MAD1L1: variants seen among roughly 807,000 people sequenced by gnomAD.
MAD1L1 encodes the protein mitotic arrest deficient 1 like 1, also known as mitotic spindle assembly checkpoint protein MAD1.
Under a neutral mutation model 96.9 loss-of-function variants are expected in MAD1L1, and 95 were observed. The ratio of observed to expected loss-of-function variants is 0.98; its 90% CI spans 0.83 to 1.16. The LOEUF (loss-of-function observed/expected upper bound fraction) is 1.16. Ranked by LOEUF, MAD1L1 falls within the 50% of genes most tolerant of loss-of-function variation. The pLI, the probability that MAD1L1 is intolerant of heterozygous loss-of-function variation, is 0.00. For synonymous variants in MAD1L1, 473 were observed against 396.6 expected (o/e 1.19, Z -2.29); for missense variants, 1,007 against 954.4 (o/e 1.06, Z -0.73).
intron 18 of MAD1L1, among the ~76,000 whole-genome samples, chr7:1,838,378 C>T (rs893856175): frequency 1.3e-5 from 2 of 152,340 alleles, no homozygotes; most frequent in African/African-American, 2.4e-5. Flanking sequence ...AGCTTGTACA[C>T]GAATGTTCAC....
chr7:2,169,246 C>T (rs1383228442), intron 10 of MAD1L1, among the ~76,000 whole-genome samples: 1 of 152,106 alleles, frequency 6.6e-6, no homozygotes, highest in Non-Finnish European at 1.5e-5. Flanking sequence ...TGAAAATCTA[C>T]AAAGGTAAAC....
intron 11 of MAD1L1, among the ~76,000 whole-genome samples, chr7:2,111,226 C>T (rs1764650686): frequency 6.6e-6 from 1 of 152,218 alleles, no homozygotes; most frequent in Non-Finnish European, 1.5e-5. Flanking sequence ...GTGTGATCGT[C>T]CCACAGATGA....
At chr7:2,131,161 C>T (rs1788493397) in intron 11 of MAD1L1, among the ~76,000 whole-genome samples, 1 of 152,224 alleles carries the variant, frequency 6.6e-6, no homozygotes, top group Non-Finnish European at 1.5e-5. Context: ...AGCAGCGTGT[C>T]AGCCTTCTTC....
At chr7:2,079,802 T>A (rs1785548517) in intron 11 of MAD1L1, 2 of 468,906 alleles carry the variant, frequency 4.3e-6, no homozygotes, top group African/African-American at 4.0e-5. Flanking sequence ...CTGCTGGAGA[T>A]TAGGAAATGA....
chr7:2,219,279 G>C, intron 6 of MAD1L1, 53 bp downstream of exon 6: 2 of 1,481,722 alleles, frequency 1.3e-6, no homozygotes, highest in Non-Finnish European at 1.8e-6. Flanking sequence ...GAGGTGGGAC[G>C]CATGCCCCCA....
intron 11 of MAD1L1, among the ~76,000 whole-genome samples, chr7:2,081,779 GA>G (rs1321814735): frequency 6.6e-6 from 1 of 152,256 alleles, no homozygotes. Flanking sequence ...ACAGGTTAGA[GA>G]GGGGAAGGCC....
intron 11 of MAD1L1, among the ~76,000 whole-genome samples, chr7:2,141,594 C>T (rs1001060298): frequency 6.6e-6 from 1 of 152,232 alleles, no homozygotes; most frequent in African/African-American, 2.4e-5. Context: ...AAGACAGACG[C>T]CCGCTCACCC....
intron 14 of MAD1L1, among the ~76,000 whole-genome samples, chr7:1,998,341 G>A (rs1584032602): frequency 2.6e-5 from 4 of 152,350 alleles, no homozygotes; most frequent in Admixed American, 2.6e-4. Context: ...CGAGGCGTCC[G>A]TGCCTCTGTT....
intron 17 of MAD1L1, among the ~76,000 whole-genome samples, chr7:1,917,754 T>C (rs1788503814): frequency 6.6e-6 from 1 of 152,120 alleles, no homozygotes; most frequent in Non-Finnish European, 1.5e-5. Flanking sequence ...CCCGGGCGTG[T>C]GGCCGTGCAC....
intron 11 of MAD1L1, among the ~76,000 whole-genome samples, chr7:2,140,873 G>C (rs60907725): frequency 6.6e-6 from 1 of 152,190 alleles, no homozygotes; most frequent in Non-Finnish European, 1.5e-5. Context: ...TTGAATAAAA[G>C]GGGGAGTTTC....
rs574848090 is a variant in MAD1L1, at chr7:2,103,999, A to G, written c.1074-34661T>C. ...CCGGTGTCTGGAAATCATTCAATGA[A>G]GGTAAGGAGTGTGCTCCTCAGCAGC... is the stretch of plus-strand genomic sequence containing the variant. On this transcript the variant is annotated intron_variant, in intron 11 of 18. Coordinates refer to ENST00000265854, the MANE Select transcript of MAD1L1 (RefSeq NM_001013836.2). The surrounding 1 kb of genome is among the most constrained non-coding windows in gnomAD (Gnocchi z 4.3). 3.3e-5 allele frequency among the ~76,000 whole-genome samples: 5 copies of G among 152,256 alleles called. No individual in the cohort carries two copies. Among genetic ancestry groups the G allele is most frequent in the Non-Finnish European group, 7.3e-5 (5 of 68,048 alleles).
intron 10 of MAD1L1, among the ~76,000 whole-genome samples, chr7:2,212,738 ACC>A (rs752715046): frequency 1.1e-4 from 17 of 151,760 alleles, no homozygotes; most frequent in Admixed American, 9.2e-4. Flanking sequence ...AGCCAATTCC[ACC>A]TCTTCTCTTC....
chr7:2,012,018 T>C (rs1782326049), intron 13 of MAD1L1, among the ~76,000 whole-genome samples: 1 of 152,272 alleles, frequency 6.6e-6, no homozygotes, highest in African/African-American at 2.4e-5. Flanking sequence ...AACTCTTCTA[T>C]GTGCCTAATT....
intron 14 of MAD1L1, among the ~76,000 whole-genome samples, chr7:1,992,342 A>C (rs1232989591): frequency 6.6e-6 from 1 of 152,250 alleles, no homozygotes; most frequent in African/African-American, 2.4e-5. Context: ...ACTGGGATCA[A>C]TGAGGCTGCC....
chr7:1,936,678 G>T lies in MAD1L1; in HGVS notation c.1807+9C>A, dbSNP rs369876736. On this transcript the variant is annotated intron_variant, in intron 17 of 18. Transcript: ENST00000265854. ...AGGATGGCAGGGACCGGGGGTGGGG[G>T]GTGCCTACCTGCCACCTCCTTGGAC... 876 of 1,547,334 alleles carry T rather than the reference G, an allele frequency of 5.7e-4. 3 individuals carry two copies. The African/African-American group carries it at 0.012, about 20-fold the overall frequency.
chr7:2,122,216 G>T (rs1788013261), intron 11 of MAD1L1, among the ~76,000 whole-genome samples: 2 of 152,234 alleles, frequency 1.3e-5, no homozygotes, highest in Non-Finnish European at 2.9e-5. Context: ...ACCCGCGGGG[G>T]CTGGAGAAAT....
chr7:2,220,242 GGGA>G (rs1314251842), intron 5 of MAD1L1, among the ~76,000 whole-genome samples: 1 of 152,198 alleles, frequency 6.6e-6, no homozygotes, highest in Non-Finnish European at 1.5e-5. Flanking sequence ...AGCGCCCCTG[GGGA>G]GGCGGCCCCT....
chr7:1,926,256 A>C lies in MAD1L1; in HGVS notation c.1807+10431T>G, dbSNP rs543844544. Among the ~76,000 whole-genome samples the C allele has an allele frequency of 2.0e-5, 3 of 152,360 alleles. No individual in the cohort carries two copies. The East Asian group carries it at 5.8e-4, about 29-fold the overall frequency. ...AACTCACTATTCCTGTAATGATTAG[A>C]ACCTGCCACAACCACAATCCCTAGG... On this transcript the variant is annotated intron_variant, in intron 17 of 18. Coordinates refer to ENST00000265854, the MANE Select transcript of MAD1L1 (RefSeq NM_001013836.2).
At chr7:1,960,003 G>C (rs548796960) in intron 15 of MAD1L1, among the ~76,000 whole-genome samples, 2 of 152,220 alleles carry the variant, frequency 1.3e-5, no homozygotes, top group African/African-American at 4.8e-5. Flanking sequence ...TTAATATATA[G>C]AATAAATAAA....
Sources: allele counts gnomAD v4.1 joint callset (sites outside exome capture counted in the v4.1 genomes callset), GRCh38; gene constraint gnomAD v4.1.1; non-coding constraint Gnocchi (gnomAD v3.1); transcripts MANE v1.5; gene names NCBI Gene and HGNC (gene_info 2026-07-23, HGNC 2026-07-21).